SLIT2: variants seen among roughly 807,000 people sequenced by gnomAD.
SLIT2 encodes the protein slit homolog 2 protein.
In SLIT2, 41 loss-of-function variants were observed where a neutral mutation model predicts 185.7. The observed-to-expected ratio is 0.22, with a 90% CI of 0.17 to 0.29. The LOEUF is 0.29. Among genes scored for constraint, SLIT2 ranks in the 10% least tolerant of loss-of-function variants. The pLI is 1.00. For missense variants in SLIT2, 1,571 were observed against 1,909.0 expected, an observed-to-expected ratio of 0.82 and a Z score of 3.30; for synonymous variants, 693 against 680.2, an observed-to-expected ratio of 1.02 and a Z score of -0.29.
chr4:20,572,347 A>G (rs1231294159), intron 29 of SLIT2, among the ~76,000 whole-genome samples: 2 of 152,232 alleles, frequency 1.3e-5, no homozygotes, highest in Non-Finnish European at 2.9e-5. Context: ...CTAAATTAAC[A>G]TCCCTATACT....
At chr4:20,507,808 A>G (rs1254493162) in intron 9 of SLIT2, among the ~76,000 whole-genome samples, 1 of 151,894 alleles carries the variant, frequency 6.6e-6, no homozygotes, top group Non-Finnish European at 1.5e-5. Flanking sequence ...TTTTCTCATC[A>G]TAGCACTACG....
chr4:20,299,655 GTT>G (rs72386657), intron 4 of SLIT2, among the ~76,000 whole-genome samples: 3 of 143,622 alleles, frequency 2.1e-5, no homozygotes, highest in Non-Finnish European at 3.1e-5. Context: ...GCCTTTTTTT[GTT>G]TTTTTTTTTT....
intron 4 of SLIT2, among the ~76,000 whole-genome samples, chr4:20,452,709 T>C (rs1577684179): frequency 6.6e-6 from 1 of 152,316 alleles, no homozygotes; most frequent in African/African-American, 2.4e-5. Flanking sequence ...ATTTCTTTGA[T>C]TTTTCATATT....
At chr4:20,372,907 A>AT (rs1374855295) in intron 4 of SLIT2, among the ~76,000 whole-genome samples, 1 of 152,096 alleles carries the variant, frequency 6.6e-6, no homozygotes, top group Non-Finnish European at 1.5e-5. Flanking sequence ...AATAAACCTA[A>AT]TGGAGAGAAG....
At chr4:20,417,526 A>G (rs1727795178) in intron 4 of SLIT2, among the ~76,000 whole-genome samples, 1 of 149,606 alleles carries the variant, frequency 6.7e-6, no homozygotes, top group African/African-American at 2.5e-5. Context: ...GTGTGTGTAT[A>G]TATATATATG....
intron 36 of SLIT2, among the ~76,000 whole-genome samples, chr4:20,618,490 C>CT (rs535953148): frequency 9.2e-5 from 14 of 151,938 alleles, no homozygotes; most frequent in Non-Finnish European, 1.6e-4. Context: ...ACTTTTTTTC[C>CT]TTTTTTGCAA....
intron 4 of SLIT2, among the ~76,000 whole-genome samples, chr4:20,320,354 G>C (rs4443279): frequency 0.3 from 45,886 of 151,856 alleles, 7,222 homozygotes; most frequent in Non-Finnish European, 0.35. Flanking sequence ...TGTCATGGTG[G>C]AATCACTCAG....
At chr4:20,381,595 C>A (rs530301009) in intron 4 of SLIT2, among the ~76,000 whole-genome samples, 1 of 152,202 alleles carries the variant, frequency 6.6e-6, no homozygotes, top group Non-Finnish European at 1.5e-5. Context: ...TTAGAAATCT[C>A]AATTTTCCAA....
intron 4 of SLIT2, among the ~76,000 whole-genome samples, chr4:20,303,839 C>A (rs1055387863): frequency 3.3e-5 from 5 of 151,844 alleles, no homozygotes; most frequent in Admixed American, 3.3e-4. Context: ...GATGGAATGG[C>A]AAAAATAAAG....
chr4:20,603,404 A>C (rs1187737311), intron 33 of SLIT2, among the ~76,000 whole-genome samples: 2 of 152,234 alleles, frequency 1.3e-5, no homozygotes. Context: ...TGGAAAAATG[A>C]ATGGCAGCCT....
chr4:20,540,939 A>T (rs1286318459), intron 19 of SLIT2, among the ~76,000 whole-genome samples: 1 of 152,232 alleles, frequency 6.6e-6, no homozygotes, highest in Non-Finnish European at 1.5e-5. Flanking sequence ...TAATCAACTC[A>T]GCTGTCAGTT....
intron 4 of SLIT2, among the ~76,000 whole-genome samples, chr4:20,347,705 A>G (rs373465774): frequency 6.6e-6 from 1 of 152,232 alleles, no homozygotes. Context: ...TTTTAAGCCA[A>G]GTTAGGCAAC....
intron 4 of SLIT2, among the ~76,000 whole-genome samples, chr4:20,359,033 G>A (rs1057501652): frequency 2.0e-5 from 3 of 152,000 alleles, no homozygotes; most frequent in Non-Finnish European, 2.9e-5. Context: ...TTCGAGAATC[G>A]TTTCTTGCCA....
At chr4:20,596,151 G>C (rs1205397745) in intron 31 of SLIT2, among the ~76,000 whole-genome samples, 1 of 152,136 alleles carries the variant, frequency 6.6e-6, no homozygotes, top group Admixed American at 6.5e-5. Flanking sequence ...TAGAATGAGG[G>C]TTACCAAAGA....
intron 4 of SLIT2, among the ~76,000 whole-genome samples, chr4:20,331,010 C>T (rs975690672): frequency 2.6e-5 from 4 of 151,998 alleles, no homozygotes; most frequent in East Asian, 1.9e-4. Context: ...ACAAATATTC[C>T]GTAGACAACT....
chr4:20,275,646 G>A (rs1452385412), intron 4 of SLIT2, among the ~76,000 whole-genome samples: 1 of 152,130 alleles, frequency 6.6e-6, no homozygotes, highest in Non-Finnish European at 1.5e-5. Context: ...GACATAAAAT[G>A]TGCATTTGTA....
intron 25 of SLIT2, among the ~76,000 whole-genome samples, chr4:20,552,910 A>G (rs1723902646): frequency 6.6e-6 from 1 of 152,180 alleles, no homozygotes; most frequent in Admixed American, 6.5e-5. Context: ...TCAATTATTA[A>G]TTAAATGGAC....
chr4:20,269,996 TA>T (rs1713436375), intron 4 of SLIT2, among the ~76,000 whole-genome samples: 3 of 151,986 alleles, frequency 2.0e-5, no homozygotes, highest in Admixed American at 2.0e-4. Context: ...TAAGGATAGC[TA>T]AAATCACCTG....
intron 25 of SLIT2, among the ~76,000 whole-genome samples, chr4:20,552,236 G>A (rs1723823838): frequency 6.6e-6 from 1 of 152,150 alleles, no homozygotes; most frequent in South Asian, 2.1e-4. Context: ...TCAGGCATCA[G>A]AAAAGGCTTC....
Sources: allele counts gnomAD v4.1 joint callset (sites outside exome capture counted in the v4.1 genomes callset), GRCh38; gene constraint gnomAD v4.1.1; transcripts MANE v1.5; gene names NCBI Gene and HGNC (gene_info 2026-07-23, HGNC 2026-07-21).